LIPK: variants seen among roughly 807,000 people sequenced by gnomAD.
LIPK encodes the protein lipase family member K.
In LIPK, 32 loss-of-function variants were observed where a neutral mutation model predicts 48.6. The ratio of observed to expected loss-of-function variants is 0.66; its 90% CI spans 0.50 to 0.88. The LOEUF (loss-of-function observed/expected upper bound fraction) is 0.88, where lower values mean the gene tolerates loss of function less well. LIPK is among the 40% of genes least tolerant of loss of function. The pLI is 0.00. For synonymous variants in LIPK, 164 were observed against 157.4 expected, an observed-to-expected ratio of 1.04 and a Z score of -0.32; for missense variants, 507 against 478.5, an observed-to-expected ratio of 1.06 and a Z score of -0.56.
At chr10:88,748,246 A>G (rs1017536942) in intron 9 of LIPK, among the ~76,000 whole-genome samples, 12 of 152,136 alleles carry the variant, frequency 7.9e-5, no homozygotes, top group Non-Finnish European at 1.8e-4. Flanking sequence ...GGGGAACAAC[A>G]CACAGCCGGG....
chr10:88,740,325 G>A (rs1226422986), intron 8 of LIPK, among the ~76,000 whole-genome samples: 3 of 152,158 alleles, frequency 2.0e-5, no homozygotes, highest in African/African-American at 7.2e-5. Flanking sequence ...TACATTTTAA[G>A]GGAAGACTTT....
chr10:88,723,982 T>C (rs1842284440), intron 1 of LIPK, among the ~76,000 whole-genome samples: 1 of 152,176 alleles, frequency 6.6e-6, no homozygotes, highest in African/African-American at 2.4e-5. Flanking sequence ...TCTTAAGATA[T>C]ATAATAAGAA....
intron 1 of LIPK, among the ~76,000 whole-genome samples, chr10:88,709,652 C>A (rs1313032681): frequency 6.6e-6 from 1 of 150,510 alleles, no homozygotes; most frequent in Non-Finnish European, 1.5e-5. Context: ...TTTTTTTAAG[C>A]AAAGAATTCG....
chr10:88,740,837 A>AAT (rs1308440268), intron 8 of LIPK, among the ~76,000 whole-genome samples: 3 of 152,072 alleles, frequency 2.0e-5, no homozygotes, highest in African/African-American at 4.8e-5. Context: ...TTTGCATTTT[A>AAT]ATATATATCC....
At chr10:88,738,676 T>G in intron 7 of LIPK, among the ~76,000 whole-genome samples, 1 of 151,890 alleles carries the variant, frequency 6.6e-6, no homozygotes, top group South Asian at 2.1e-4. Context: ...TAAAAAAGAG[T>G]GTATTTTAAA....
At chr10:88,709,668 G>A (rs1383846668) in intron 1 of LIPK, among the ~76,000 whole-genome samples, 2 of 151,068 alleles carry the variant, frequency 1.3e-5, no homozygotes, top group Non-Finnish European at 2.9e-5. Context: ...ATTCGAAACC[G>A]ACTTGCAGAA....
rs1488725695 is a variant in LIPK, at chr10:88,737,022, A to C, written c.670-613A>C. Among the ~76,000 whole-genome samples, 6 of 152,368 alleles carry C rather than the reference A, an allele frequency of 3.9e-5. No individual in the cohort carries two copies. The East Asian group carries it at 1.2e-3, about 29-fold the overall frequency. On this transcript the variant is annotated intron_variant, in intron 6 of 9. Coordinates refer to ENST00000404190, the MANE Select transcript of LIPK (RefSeq NM_001080518.2). ...TGAAGCAAAGAAACTCACTTGCAAC[A>C]CTGCCTGAAATTACACTAGTAAAGA...
At position 88,720,072 on chromosome 10, in the gene LIPK, G is replaced by A. The variant is rs921879466; in HGVS notation, c.-11-4461G>A. The stretch of plus-strand genomic sequence containing the variant: ...GCTAGAGGGGTTGGGGGCAGGGAGC[G>A]GACAAAAAGCAACTATTGGAGAAAG... On this transcript the variant is annotated intron_variant, in intron 1 of 9. Transcript: ENST00000404190. 4.6e-5 allele frequency among the ~76,000 whole-genome samples: 7 copies of A among 152,070 alleles called. No individual in the cohort carries two copies. The East Asian group carries it at 7.7e-4, about 17-fold the overall frequency.
chr10:88,752,762 C>T lies in LIPK; in HGVS notation c.*6C>T. Reference sequence around the variant, plus strand: ...AAGAATATTTACAAAATTAAATGCACTTTACTTTCTCTAAGCAAGTGGATT... The same window carrying T: ...AAGAATATTTACAAAATTAAATGCATTTTACTTTCTCTAAGCAAGTGGATT... On this transcript the variant is annotated 3_prime_UTR_variant, in exon 10 of 10. Transcript: ENST00000404190. 1.3e-6 allele frequency: 2 copies of T among 1,531,540 alleles called. No individual in the cohort carries two copies. The highest frequency in any genetic ancestry group is 1.8e-6 in the Non-Finnish European group (2 of 1,130,092). The allele number at this position is 1,531,540 out of a possible 1,614,324, so 94.9% of individuals were successfully genotyped here.
At position 88,739,999 on chromosome 10, in the gene LIPK, C is replaced by A. The variant is rs753196595; in HGVS notation, c.820C>A (p.Arg274Ser). The change falls in exon 8 of 10, where the codon CGC (arginine) becomes AGC (serine). Residue 274 changes from arginine (R) to serine (S), a missense_variant. Arg to Ser is a moderately radical substitution (Grantham distance 110). Transcript: ENST00000404190. ...GFDPQNLNMS[R>S]LDVYLSHNPA... ...ATGAGAAGTAATCTCTTTGCAGAGT[C>A]GCTTGGATGTTTATTTGTCACACAA... is the stretch of plus-strand genomic sequence containing the variant. The A allele has an allele frequency of 6.2e-7, 1 of 1,610,216 alleles. No individual in the cohort carries two copies. Among genetic ancestry groups the A allele is most frequent in the South Asian group, 1.1e-5 (1 of 90,708 alleles).
intron 9 of LIPK, among the ~76,000 whole-genome samples, chr10:88,745,466 C>G (rs431003): frequency 0.22 from 33,614 of 152,026 alleles, 3,880 homozygotes; most frequent in East Asian, 0.37. Context: ...GAAGAGATTA[C>G]GGGCTTGTAT....
At chr10:88,734,849 G>C (rs1842539496) in intron 6 of LIPK, among the ~76,000 whole-genome samples, 1 of 152,164 alleles carries the variant, frequency 6.6e-6, no homozygotes, top group African/African-American at 2.4e-5. Flanking sequence ...GTATATTTTT[G>C]ACTTTTTGAG....
chr10:88,706,269 T>G lies in LIPK; in HGVS notation c.-63T>G, dbSNP rs1841933635. Among the ~76,000 whole-genome samples, 1 of 152,208 alleles carries G rather than the reference T, an allele frequency of 6.6e-6. No individual in the cohort carries two copies. Among genetic ancestry groups the G allele is most frequent in the Non-Finnish European group, 1.5e-5 (1 of 68,036 alleles). On this transcript the variant is annotated 5_prime_UTR_variant, in exon 1 of 10. It removes an upstream start codon present in the reference 5' UTR. Coordinates refer to ENST00000404190, the MANE Select transcript of LIPK (RefSeq NM_001080518.2). The stretch of plus-strand genomic sequence containing the variant: ...CAGTTGCCTCTGGAAGGATCTGGAA[T>G]GCACCTGAAGCTCCCAGGACTTGAA...
intron 1 of LIPK, among the ~76,000 whole-genome samples, chr10:88,718,405 A>C (rs1016767811): frequency 6.6e-6 from 1 of 150,524 alleles, no homozygotes; most frequent in Non-Finnish European, 1.5e-5. Context: ...CCCATTTGTC[A>C]TGTCTTCCTT....
chr10:88,711,687 T>G (rs935900923), intron 1 of LIPK, among the ~76,000 whole-genome samples: 1 of 152,088 alleles, frequency 6.6e-6, no homozygotes, highest in Non-Finnish European at 1.5e-5. Flanking sequence ...GTTGGCCAGG[T>G]GGGTCTTGAG....
intron 8 of LIPK, 94 bp downstream of exon 8, chr10:88,740,161 C>G: frequency 2.7e-6 from 2 of 728,602 alleles, no homozygotes; most frequent in Non-Finnish European, 4.5e-6. Flanking sequence ...TCTGCTGGCA[C>G]CTGCCACTGC....
chr10:88,732,377 A>G (rs1166777998), intron 5 of LIPK, 38 bp from the exon 6 acceptor site: 1 of 1,596,984 alleles, frequency 6.3e-7, no homozygotes, highest in African/African-American at 1.4e-5. Flanking sequence ...ACAAATAATT[A>G]TCTGAAAACT....
At chr10:88,734,843 A>AT (rs1295453932) in intron 6 of LIPK, among the ~76,000 whole-genome samples, 4 of 152,204 alleles carry the variant, frequency 2.6e-5, no homozygotes, top group African/African-American at 7.2e-5. Flanking sequence ...GTTTAGGTAT[A>AT]TTTTTGACTT....
At chr10:88,716,178 T>C (rs1477067743) in intron 1 of LIPK, among the ~76,000 whole-genome samples, 1 of 152,068 alleles carries the variant, frequency 6.6e-6, no homozygotes, top group Non-Finnish European at 1.5e-5. Context: ...TATTAGGAAT[T>C]AGATACTAGA....
Sources: gnomAD v4.1 joint callset for allele counts (sites outside exome capture counted in the v4.1 genomes callset) on GRCh38, gnomAD v4.1.1 for gene constraint, MANE v1.5 for transcripts, NCBI Gene and HGNC (gene_info 2026-07-23, HGNC 2026-07-21) for gene names.